CSMD1: variants seen among roughly 807,000 people sequenced by gnomAD.
CSMD1 encodes the protein CUB and Sushi multiple domains 1, also known as CUB and sushi domain-containing protein 1.
CSMD1 carries 213 observed loss-of-function variants against 417.5 expected under a neutral mutation model. The ratio of observed to expected loss-of-function variants is 0.51; its 90% CI spans 0.46 to 0.57. The LOEUF is 0.57. Among genes scored for constraint, CSMD1 ranks in the 20% least tolerant of loss-of-function variants. The pLI is 0.00. For synonymous variants in CSMD1, 2,862 were observed against 1,736.8 expected (o/e 1.65, Z -16.11); for missense variants, 6,923 against 4,529.7 (o/e 1.53, Z -15.17).
intron 1 of CSMD1, among the ~76,000 whole-genome samples, chr8:4,656,192 G>A (rs548460754): frequency 1.3e-5 from 2 of 152,134 alleles, no homozygotes; most frequent in African/African-American, 2.4e-5. Flanking sequence ...CACTGAGGAA[G>A]GACTATTCCA....
chr8:3,358,435 C>T (rs1042770136), intron 21 of CSMD1, among the ~76,000 whole-genome samples: 2 of 152,178 alleles, frequency 1.3e-5, no homozygotes, highest in African/African-American at 4.8e-5. Flanking sequence ...ACAACACACC[C>T]TATTTAAGCT....
In CSMD1 at chr8:3,162,147, G is replaced by C. The variant is rs1563099189; in HGVS notation, c.5844+12C>G. On this transcript the variant is annotated intron_variant, in intron 38 of 69. Transcript: ENST00000635120. ...TGTGTATGTTATTCCTGAGCACTGA[G>C]AAGAAGGATACCTGCAGGGTGTACC... 6.5e-7 allele frequency: 1 copy of C among 1,544,972 alleles called. No homozygotes were observed. Among genetic ancestry groups the C allele is most frequent in the Non-Finnish European group, 8.9e-7 (1 of 1,125,992 alleles).
chr8:3,006,612 A>G (rs143340551), intron 52 of CSMD1, among the ~76,000 whole-genome samples: 1,613 of 151,182 alleles, frequency 0.011, 19 homozygotes, highest in Middle Eastern at 0.024. Flanking sequence ...CCTCAGAAAT[A>G]ATGCCGCATA....
chr8:3,827,395 A>G (rs779484305), intron 5 of CSMD1, among the ~76,000 whole-genome samples: 1 of 152,228 alleles, frequency 6.6e-6, no homozygotes, highest in East Asian at 1.9e-4. Flanking sequence ...GTACTTAGAT[A>G]TCAAATACCT....
chr8:3,931,138 T>C (rs1810108483), intron 5 of CSMD1, among the ~76,000 whole-genome samples: 1 of 150,704 alleles, frequency 6.6e-6, no homozygotes, highest in Admixed American at 6.6e-5. Context: ...TAACCATAGA[T>C]AATTTCAGCT....
chr8:3,779,149 T>TTTTG (rs1554433796), intron 5 of CSMD1, among the ~76,000 whole-genome samples: 6 of 147,434 alleles, frequency 4.1e-5, no homozygotes, highest in Non-Finnish European at 9.0e-5. Context: ...GCGTGCATAC[T>TTTTG]TGTGTGTGTG....
At chr8:3,771,099 G>T (rs1454277303) in intron 5 of CSMD1, among the ~76,000 whole-genome samples, 1 of 151,900 alleles carries the variant, frequency 6.6e-6, no homozygotes, top group Admixed American at 6.6e-5. Flanking sequence ...TGTATTCTCA[G>T]GATCTTGAAA....
intron 5 of CSMD1, among the ~76,000 whole-genome samples, chr8:3,904,715 C>G (rs1243380288): frequency 6.7e-6 from 1 of 150,116 alleles, no homozygotes; most frequent in Non-Finnish European, 1.5e-5. Flanking sequence ...CAGCTCACAG[C>G]AACCTCGGCC....
chr8:4,175,886 T>C (rs1798011354), intron 3 of CSMD1, among the ~76,000 whole-genome samples: 1 of 152,054 alleles, frequency 6.6e-6, no homozygotes, highest in African/African-American at 2.4e-5. Flanking sequence ...TGGGGTCCAG[T>C]TGATTTCTAG....
rs145586845 is a variant in CSMD1, at chr8:4,945,593, T to C, written c.85+48739A>G. On this transcript the variant is annotated intron_variant, in intron 1 of 69. Transcript: ENST00000635120. The stretch of plus-strand genomic sequence containing the variant: ...AAGACAAGAATAGCCTCAGTAAATC[T>C]CTGGATAAGAAATTCTAAGTGATGT... 5.5e-3 allele frequency among the ~76,000 whole-genome samples: 840 copies of C among 152,004 alleles called. 7 individuals are homozygous for C. The highest frequency in any genetic ancestry group is 0.019 in the African/African-American group (801 of 41,440).
Position 4,413,113 on chromosome 8 carries a change from A to G in CSMD1, c.415+6840T>C, listed in dbSNP as rs185461011. Among the ~76,000 whole-genome samples, 29 of 152,324 alleles carry G rather than the reference A, an allele frequency of 1.9e-4. No homozygotes were observed. The East Asian group carries it at 5.4e-3, about 28-fold the overall frequency. ...GAGATATTTCATGGCCCTCAAATTA[A>G]GAAAGATGGATATATAGAATATGGA... On this transcript the variant is annotated intron_variant, in intron 3 of 69. Transcript: ENST00000635120.
At chr8:3,399,837 C>T (rs1172249781) in intron 15 of CSMD1, among the ~76,000 whole-genome samples, 3 of 152,072 alleles carry the variant, frequency 2.0e-5, no homozygotes, top group Non-Finnish European at 2.9e-5. Context: ...CGTACATGCC[C>T]GGTTATCTAT....
intron 54 of CSMD1, 84 bp downstream of exon 54, chr8:2,997,927 C>G: frequency 7.5e-7 from 1 of 1,341,962 alleles, no homozygotes; most frequent in South Asian, 1.4e-5. Context: ...ACCCTTGATT[C>G]ATGGAGACAG....
At chr8:4,679,109 G>C (rs1308475085) in intron 1 of CSMD1, among the ~76,000 whole-genome samples, 1 of 152,116 alleles carries the variant, frequency 6.6e-6, no homozygotes, top group East Asian at 1.9e-4. Flanking sequence ...ATCTGCGCAA[G>C]TTTCTTTTTC....
chr8:3,081,715 T>A (rs1814113597), intron 49 of CSMD1, among the ~76,000 whole-genome samples: 1 of 152,232 alleles, frequency 6.6e-6, no homozygotes, highest in Non-Finnish European at 1.5e-5. Context: ...TGAAATTTAT[T>A]ACAGCAGATA....
chr8:3,918,940 G>A (rs919141964), intron 5 of CSMD1, among the ~76,000 whole-genome samples: 6 of 64,060 alleles, frequency 9.4e-5, no homozygotes, highest in Non-Finnish European at 2.0e-4. Context: ...GGGCTGCTCG[G>A]GTGATGGGTA....
intron 7 of CSMD1, among the ~76,000 whole-genome samples, chr8:3,648,836 CTTATG>C (rs1797706055): frequency 1.3e-5 from 2 of 152,120 alleles, no homozygotes; most frequent in African/African-American, 2.4e-5. Context: ...TCTTTACTGT[CTTATG>C]TTATGTTGTT....
chr8:4,386,924 A>T (rs1254847132), intron 3 of CSMD1, among the ~76,000 whole-genome samples: 1 of 152,248 alleles, frequency 6.6e-6, no homozygotes, highest in East Asian at 1.9e-4. Context: ...TTCGAGGCAG[A>T]TAATACTATT....
chr8:4,556,306 G>C (rs1233711019), intron 2 of CSMD1, among the ~76,000 whole-genome samples: 1 of 152,048 alleles, frequency 6.6e-6, no homozygotes, highest in East Asian at 1.9e-4. Context: ...AATTTTAATT[G>C]TAAAATAGTA....
Sources: gnomAD v4.1 joint callset for allele counts (sites outside exome capture counted in the v4.1 genomes callset) on GRCh38, gnomAD v4.1.1 for gene constraint, MANE v1.5 for transcripts, NCBI Gene and HGNC (gene_info 2026-07-23, HGNC 2026-07-21) for gene names.